LOC122539214: variants seen among roughly 807,000 people sequenced by gnomAD.
chr19:52,679,835 C>T, the LOC122539214 span, among the ~76,000 whole-genome samples: 1 of 152,148 alleles, frequency 6.6e-6, no homozygotes, highest in Admixed American at 6.6e-5. Context: ...ACAAGCTATC[C>T]ATGACTGATA....
chr19:52,669,243 T>C, the LOC122539214 span, among the ~76,000 whole-genome samples: 1 of 152,126 alleles, frequency 6.6e-6, no homozygotes, highest in Non-Finnish European at 1.5e-5. Context: ...GCAAAAGAAG[T>C]CCCTTATGGG....
At chr19:52,681,056 G>A in the LOC122539214 span, among the ~76,000 whole-genome samples, 8 of 151,636 alleles carry the variant, frequency 5.3e-5, no homozygotes, top group African/African-American at 1.9e-4. Flanking sequence ...AGGCCAAGCC[G>A]GGCAGATCAT....
At chr19:52,681,224 AGT>A in the LOC122539214 span, among the ~76,000 whole-genome samples, 9 of 136,650 alleles carry the variant, frequency 6.6e-5, no homozygotes, top group South Asian at 2.3e-3. Context: ...CGGAGGCTGC[AGT>A]GAGTTGAGAT....
chr19:52,662,724 C>T, the LOC122539214 span, among the ~76,000 whole-genome samples: 2 of 152,048 alleles, frequency 1.3e-5, no homozygotes. Flanking sequence ...CTGTATATTA[C>T]AGATGGGGGT....
the LOC122539214 span, among the ~76,000 whole-genome samples, chr19:52,675,127 T>A: frequency 3.9e-5 from 6 of 152,186 alleles, no homozygotes; most frequent in Non-Finnish European, 7.3e-5. Context: ...CAAAGGAAGT[T>A]CAGAATCTGT....
the LOC122539214 span, among the ~76,000 whole-genome samples, chr19:52,665,975 A>ATG: frequency 8.6e-5 from 13 of 150,818 alleles, no homozygotes; most frequent in African/African-American, 2.9e-4. Flanking sequence ...CCTGGCTAAC[A>ATG]GTGAAACCCC....
the LOC122539214 span, among the ~76,000 whole-genome samples, chr19:52,682,357 C>T: frequency 6.6e-6 from 1 of 152,002 alleles, no homozygotes; most frequent in African/African-American, 2.4e-5. Flanking sequence ...TGCACTTCAC[C>T]CTGGACAGAA....
chr19:52,688,335 T>A, the LOC122539214 span, among the ~76,000 whole-genome samples: 300 of 149,104 alleles, frequency 2.0e-3, no homozygotes, highest in East Asian at 0.02. Context: ...CATACCCGAT[T>A]AATTTTTTTT....
the LOC122539214 span, among the ~76,000 whole-genome samples, chr19:52,685,014 C>T: frequency 6.6e-6 from 1 of 152,170 alleles, no homozygotes; most frequent in African/African-American, 2.4e-5. Flanking sequence ...AGAGAAAGGC[C>T]CCGAAGATGG....
chr19:52,677,685 G>A, the LOC122539214 span, among the ~76,000 whole-genome samples: 2 of 120,990 alleles, frequency 1.7e-5, no homozygotes, highest in Non-Finnish European at 3.3e-5. Context: ...AGCAATGGGG[G>A]AGACCACAGG....
the LOC122539214 span, among the ~76,000 whole-genome samples, chr19:52,685,897 C>CA: frequency 3.2e-3 from 419 of 132,350 alleles, 11 homozygotes; most frequent in East Asian, 0.012. Context: ...GTAACTGTCA[C>CA]AAAAAAAAAA....
the LOC122539214 span, among the ~76,000 whole-genome samples, chr19:52,669,072 T>C: frequency 2.8e-3 from 422 of 152,302 alleles, 3 homozygotes; most frequent in Non-Finnish European, 4.0e-3. Flanking sequence ...AATCAGCCAC[T>C]CTTTATTCAT....
the LOC122539214 span, among the ~76,000 whole-genome samples, chr19:52,661,920 C>T: frequency 6.6e-6 from 1 of 151,476 alleles, no homozygotes; most frequent in Non-Finnish European, 1.5e-5. Context: ...ACAGAGAGTC[C>T]TAGGCCGAGG....
At chr19:52,689,522 C>G in the LOC122539214 span, among the ~76,000 whole-genome samples, 1 of 152,174 alleles carries the variant, frequency 6.6e-6, no homozygotes, top group East Asian at 1.9e-4. Flanking sequence ...CTCCCTCACC[C>G]TGATGAGCCT....
At chr19:52,675,087 T>C in the LOC122539214 span, among the ~76,000 whole-genome samples, 1 of 152,214 alleles carries the variant, frequency 6.6e-6, no homozygotes, top group African/African-American at 2.4e-5. Flanking sequence ...TAATCACCAA[T>C]GTCACTGAAG....
the LOC122539214 span, among the ~76,000 whole-genome samples, chr19:52,677,150 A>T: frequency 4.5e-4 from 68 of 151,798 alleles, no homozygotes; most frequent in African/African-American, 1.5e-3. Context: ...AAAAGAAAAA[A>T]AAATAAAGGA....
chr19:52,664,722 G>A, the LOC122539214 span, among the ~76,000 whole-genome samples: 1 of 151,528 alleles, frequency 6.6e-6, no homozygotes, highest in Non-Finnish European at 1.5e-5. Context: ...AGTGAGGCCA[G>A]GGTGGGGCAT....
At chr19:52,689,324 C>T in the LOC122539214 span, among the ~76,000 whole-genome samples, 2 of 151,996 alleles carry the variant, frequency 1.3e-5, no homozygotes, top group Non-Finnish European at 2.9e-5. Context: ...CAAATATTTC[C>T]GCCTCTTCTC....
At chr19:52,680,821 C>T in the LOC122539214 span, among the ~76,000 whole-genome samples, 10 of 150,096 alleles carry the variant, frequency 6.7e-5, no homozygotes, top group East Asian at 2.0e-3. Context: ...ACCGTGTTAG[C>T]CAGGATGGTC....
Sources: allele counts gnomAD v4.1 joint callset (sites outside exome capture counted in the v4.1 genomes callset), GRCh38; gene constraint gnomAD v4.1.1; transcripts MANE v1.5.